PRKAR1B: variants seen among roughly 807,000 people sequenced by gnomAD.
PRKAR1B encodes cAMP-dependent protein kinase type I-beta regulatory subunit.
PRKAR1B carries 22 observed loss-of-function variants against 46.5 expected under a neutral mutation model. The observed-to-expected ratio is 0.47, with a 90% CI of 0.34 to 0.68. PRKAR1B has a LOEUF of 0.68. PRKAR1B is among the 30% of genes least tolerant of loss of function. PRKAR1B has a pLI of 0.01. For missense variants in PRKAR1B, 445 were observed against 535.6 expected (o/e 0.83, Z 1.67); for synonymous variants, 259 against 217.7 (o/e 1.19, Z -1.67).
chr7:652,164 A>G lies in PRKAR1B; in HGVS notation c.440+25065T>C, dbSNP rs1397597833. Among the ~76,000 whole-genome samples, 267 of 83,636 alleles carry G rather than the reference A, an allele frequency of 3.2e-3. 3 individuals carry two copies. The highest frequency in any genetic ancestry group is 0.026 in the Middle Eastern group (2 of 76). The allele number at this position is 83,636 out of a possible 152,430, so 54.9% of individuals were successfully genotyped here. On this transcript the variant is annotated intron_variant, in intron 4 of 10. Transcript: ENST00000537384. ...ACCCACACAGTGCTAGGAACCTGGG[A>G]AAACCCCTCTCGGAACACAGTTCAC...
chr7:588,728 GAGGATAGTGACA>G (rs1349557500), intron 7 of PRKAR1B, among the ~76,000 whole-genome samples: 6 of 139,800 alleles, frequency 4.3e-5, no homozygotes, highest in African/African-American at 1.1e-4. Context: ...TGATGGTGGT[GAGGATAGTGACA>G]GTGGTGATGG....
intron 4 of PRKAR1B, among the ~76,000 whole-genome samples, chr7:651,768 G>A (rs1172962195): frequency 6.1e-5 from 6 of 98,116 alleles, no homozygotes; most frequent in Admixed American, 1.0e-4. Context: ...AACCCCTCTC[G>A]GAACACAGTT....
chr7:687,761 G>A (rs1336928643), intron 2 of PRKAR1B, among the ~76,000 whole-genome samples: 1 of 152,152 alleles, frequency 6.6e-6, no homozygotes. Context: ...GTAAACCGCA[G>A]GAGCTAAAGA....
intron 4 of PRKAR1B, among the ~76,000 whole-genome samples, chr7:673,162 G>A (rs1786383232): frequency 1.3e-5 from 2 of 149,362 alleles, no homozygotes; most frequent in African/African-American, 4.9e-5. Flanking sequence ...GACTCTGTCT[G>A]CAAAGAGGGA....
chr7:633,551 G>C (rs753437456), intron 4 of PRKAR1B, among the ~76,000 whole-genome samples: 1 of 152,044 alleles, frequency 6.6e-6, no homozygotes, highest in Non-Finnish European at 1.5e-5. Context: ...ATCACTTCAG[G>C]CCAGGAGTTC....
At chr7:712,559 C>T (rs1471594879) in intron 1 of PRKAR1B, 1 of 144,604 alleles carries the variant, frequency 6.9e-6, no homozygotes, top group African/African-American at 2.5e-5. Flanking sequence ...TGCTGCACCC[C>T]CAACGCCGCC....
At chr7:558,171 A>T (rs1778564218) in intron 9 of PRKAR1B, among the ~76,000 whole-genome samples, 1 of 151,320 alleles carries the variant, frequency 6.6e-6, no homozygotes, top group African/African-American at 2.4e-5. Context: ...GAAAAAAAAC[A>T]CAAAAATGCT....
Position 602,602 on chromosome 7 carries a change from G to C in PRKAR1B, c.549+3591C>G, listed in dbSNP as rs1221363420. 2 of 169,668 alleles carry C rather than the reference G, an allele frequency of 1.2e-5. No individual in the cohort carries two copies. Among genetic ancestry groups the C allele is most frequent in the African/African-American group, 4.8e-5 (2 of 41,526 alleles). 10.5% of individuals were successfully genotyped at this position (169,668 alleles called of 1,614,324 possible). ...CTGCCGGCTGGGGCCTGGCGCTGGG[G>C]CAGGAGGGTGGCCACCCGCGCTGAA... On this transcript the variant is annotated intron_variant, in intron 6 of 10. Coordinates refer to ENST00000537384, the MANE Select transcript of PRKAR1B (RefSeq NM_001164760.2). This position sits in a 1 kb window ranked among gnomAD's most constrained non-coding sequence, Gnocchi z 6.4.
intron 4 of PRKAR1B, among the ~76,000 whole-genome samples, chr7:647,114 T>C (rs762096015): frequency 6.6e-6 from 1 of 152,132 alleles, no homozygotes; most frequent in African/African-American, 2.4e-5. Flanking sequence ...GTCCCCTCTC[T>C]CCCACGTCCT....
At chr7:570,839 C>T (rs548947568) in intron 9 of PRKAR1B, among the ~76,000 whole-genome samples, 77 of 152,216 alleles carry the variant, frequency 5.1e-4, no homozygotes, top group Middle Eastern at 6.8e-3. Context: ...TATCCAGGCC[C>T]CTGCCCCACG....
At chr7:725,963 C>A (rs546885781) in intron 1 of PRKAR1B, among the ~76,000 whole-genome samples, 182 of 152,300 alleles carry the variant, frequency 1.2e-3, no homozygotes, top group African/African-American at 4.2e-3. Flanking sequence ...CCAATAAGCA[C>A]TGCCCTCTCC....
chr7:648,858 A>C (rs1784752325), intron 4 of PRKAR1B, among the ~76,000 whole-genome samples: 1 of 152,072 alleles, frequency 6.6e-6, no homozygotes, highest in South Asian at 2.1e-4. Flanking sequence ...TATCACGGAG[A>C]AAATTTAAGA....
At chr7:570,561 C>T (rs546259678) in intron 9 of PRKAR1B, among the ~76,000 whole-genome samples, 1 of 152,276 alleles carries the variant, frequency 6.6e-6, no homozygotes, top group Non-Finnish European at 1.5e-5. Flanking sequence ...CCCTCATCCC[C>T]CGCCGTCCCC....
At chr7:561,060 G>A (rs1778756454) in intron 9 of PRKAR1B, among the ~76,000 whole-genome samples, 1 of 151,792 alleles carries the variant, frequency 6.6e-6, no homozygotes, top group Admixed American at 6.6e-5. Flanking sequence ...GCATATTTGT[G>A]CACGCAAACA....
chr7:596,077 G>T, intron 7 of PRKAR1B, 69 bp downstream of exon 7: 1 of 1,562,096 alleles, frequency 6.4e-7, no homozygotes, highest in Non-Finnish European at 8.7e-7. Flanking sequence ...CTTGAATAGA[G>T]CTAGGGTTCC....
chr7:603,196 A>T (rs1379552893), intron 6 of PRKAR1B: 1 of 152,314 alleles, frequency 6.6e-6, no homozygotes, highest in African/African-American at 2.4e-5. Context: ...GGGCAGACAC[A>T]GAAGAGGGAG....
At chr7:590,677 C>T in intron 7 of PRKAR1B, among the ~76,000 whole-genome samples, 1 of 152,326 alleles carries the variant, frequency 6.6e-6, no homozygotes, top group African/African-American at 2.4e-5. Context: ...ATTTTAGAGT[C>T]CAGGGGGTGT....
intron 2 of PRKAR1B, among the ~76,000 whole-genome samples, chr7:708,474 C>T (rs1389795583): frequency 2.0e-5 from 3 of 152,136 alleles, no homozygotes; most frequent in Admixed American, 6.6e-5. Context: ...ACACATCCTC[C>T]CATATACTTT....
chr7:698,386 G>A (rs922534989), intron 2 of PRKAR1B, among the ~76,000 whole-genome samples: 3 of 152,210 alleles, frequency 2.0e-5, no homozygotes, highest in Non-Finnish European at 2.9e-5. Context: ...CTCAGAAGCA[G>A]ATGGCATGAC....
Sources: allele counts gnomAD v4.1 joint callset (sites outside exome capture counted in the v4.1 genomes callset), GRCh38; gene constraint gnomAD v4.1.1; non-coding constraint Gnocchi (gnomAD v3.1); transcripts MANE v1.5; gene names NCBI Gene and HGNC (gene_info 2026-07-23, HGNC 2026-07-21).